Variants in MRAP2 observed in about 807,000 individuals in gnomAD.
MRAP2 encodes melanocortin-2 receptor accessory protein 2.
Under a neutral mutation model 17.4 loss-of-function variants are expected in MRAP2, and 20 were observed. The observed-to-expected ratio is 1.15, with a 90% CI of 0.81 to 1.67. The LOEUF is 1.67. Ranked by LOEUF, MRAP2 falls within the 40% of genes most tolerant of loss-of-function variation. The pLI, the probability that MRAP2 is intolerant of heterozygous loss-of-function variation, is 0.00. For missense variants in MRAP2, 238 were observed against 240.0 expected, an observed-to-expected ratio of 0.99 and a Z score of 0.05; for synonymous variants, 96 against 88.4, an observed-to-expected ratio of 1.09 and a Z score of -0.48.
the MRAP2 span, among the ~76,000 whole-genome samples, chr6:84,105,475 T>C: frequency 6.6e-6 from 1 of 152,178 alleles, no homozygotes; most frequent in Non-Finnish European, 1.5e-5. Flanking sequence ...ATGAGACTTA[T>C]TCACTATCAT....
At chr6:84,051,736 C>T (rs566844288) in intron 1 of MRAP2, among the ~76,000 whole-genome samples, 6 of 151,904 alleles carry the variant, frequency 3.9e-5, no homozygotes, top group South Asian at 2.1e-4. Flanking sequence ...AAAAGGGGAG[C>T]GGGGAGGAAA....
chr6:84,128,477 A>C, the MRAP2 span, among the ~76,000 whole-genome samples: 1 of 152,152 alleles, frequency 6.6e-6, no homozygotes, highest in Non-Finnish European at 1.5e-5. Flanking sequence ...AATGATTAAT[A>C]AGAGCCTGAG....
chr6:84,061,627 G>A (rs74348304), intron 2 of MRAP2: 5,306 of 213,592 alleles, frequency 0.025, 88 homozygotes, highest in Non-Finnish European at 0.035. Flanking sequence ...TTAGCTCCAC[G>A]TTGGGAAAAG....
intron 3 of MRAP2, chr6:84,063,411 A>G: frequency 7.1e-6 from 7 of 985,326 alleles, no homozygotes; most frequent in Non-Finnish European, 8.4e-6. Flanking sequence ...GCAGAGTAAT[A>G]GTTGTTCCTG....
intron 1 of MRAP2, among the ~76,000 whole-genome samples, chr6:84,037,588 G>T (rs986821572): frequency 2.0e-5 from 3 of 152,196 alleles, no homozygotes; most frequent in African/African-American, 4.8e-5. Flanking sequence ...GGGGGGCTGG[G>T]CTCTGGCATG....
rs113108339 is a variant in MRAP2, at chr6:84,080,316, G to T, written c.228-8775G>T. Among the ~76,000 whole-genome samples the T allele has an allele frequency of 9.3e-3, 1,420 of 152,018 alleles. 29 individuals are homozygous for T. Among genetic ancestry groups the T allele is most frequent in the African/African-American group, 0.032 (1,311 of 41,458 alleles). The stretch of plus-strand genomic sequence containing the variant: ...CTCCCAAAGTGCTGGGATTACAGGT[G>T]TGAGCCACCACGCCCTATTGCCAGG... On this transcript the variant is annotated intron_variant, in intron 3 of 3. Coordinates refer to ENST00000257776, the MANE Select transcript of MRAP2 (RefSeq NM_138409.4).
intron 1 of MRAP2, chr6:84,045,333 C>T: frequency 1.0e-6 from 1 of 985,412 alleles, no homozygotes; most frequent in South Asian, 4.7e-5. Flanking sequence ...AGATCCAAAT[C>T]TGCACTGAAA....
intron 1 of MRAP2, among the ~76,000 whole-genome samples, chr6:84,051,411 G>C (rs2480189): frequency 0.094 from 14,246 of 152,238 alleles, 1,226 homozygotes; most frequent in African/African-American, 0.22. Flanking sequence ...ACAAAAATTA[G>C]CTGGATCTGG....
the MRAP2 span, among the ~76,000 whole-genome samples, chr6:84,127,353 T>C: frequency 6.6e-6 from 1 of 152,266 alleles, no homozygotes; most frequent in South Asian, 2.1e-4. Flanking sequence ...GTATCTTACC[T>C]ACATTAGTTG....
chr6:84,040,480 T>C (rs2099487243), intron 1 of MRAP2, among the ~76,000 whole-genome samples: 2 of 152,112 alleles, frequency 1.3e-5, no homozygotes, highest in Non-Finnish European at 2.9e-5. Context: ...TTTGGAAGGC[T>C]CAGAAGAAGA....
At chr6:84,117,176 C>T in the MRAP2 span, among the ~76,000 whole-genome samples, 1 of 152,114 alleles carries the variant, frequency 6.6e-6, no homozygotes, top group Non-Finnish European at 1.5e-5. Flanking sequence ...GAGAGCACCA[C>T]CACACCTAGC....
intron 1 of MRAP2, among the ~76,000 whole-genome samples, chr6:84,048,323 G>A (rs1191776071): frequency 6.6e-6 from 1 of 152,186 alleles, no homozygotes; most frequent in Non-Finnish European, 1.5e-5. Context: ...AGGGTGTGTA[G>A]TGGTATCTCA....
chr6:84,095,855 T>C (rs920549113), downstream of MRAP2, among the ~76,000 whole-genome samples: 5 of 152,226 alleles, frequency 3.3e-5, no homozygotes, highest in African/African-American at 4.8e-5. Context: ...GAAAATATTC[T>C]TGTCTTTCTA....
chr6:84,099,212 A>G, the MRAP2 span, among the ~76,000 whole-genome samples: 2 of 146,264 alleles, frequency 1.4e-5, no homozygotes, highest in Admixed American at 6.9e-5. Flanking sequence ...ATGGATATCT[A>G]ATCGTTCCAG....
chr6:84,062,576 C>G (rs2099493437), intron 2 of MRAP2: 1 of 985,294 alleles, frequency 1.0e-6, no homozygotes, highest in East Asian at 1.1e-4. Context: ...TATTTTCTAA[C>G]TCAAAACACA....
At chr6:84,120,592 C>T in the MRAP2 span, among the ~76,000 whole-genome samples, 1 of 152,022 alleles carries the variant, frequency 6.6e-6, no homozygotes, top group African/African-American at 2.4e-5. Flanking sequence ...GAAGACCTGC[C>T]ATGTATATAG....
intron 3 of MRAP2, among the ~76,000 whole-genome samples, chr6:84,064,631 GCAC>G (rs1240466405): frequency 2.0e-5 from 3 of 152,134 alleles, no homozygotes; most frequent in Non-Finnish European, 4.4e-5. Flanking sequence ...GGGACTACAG[GCAC>G]CCACCACCAC....
the MRAP2 span, among the ~76,000 whole-genome samples, chr6:84,114,920 G>C: frequency 6.6e-6 from 1 of 152,198 alleles, no homozygotes; most frequent in Non-Finnish European, 1.5e-5. Context: ...GAACAGCAAA[G>C]ATTGCTGCCT....
the MRAP2 span, among the ~76,000 whole-genome samples, chr6:84,105,200 T>C: frequency 6.6e-6 from 1 of 152,192 alleles, no homozygotes; most frequent in Non-Finnish European, 1.5e-5. Flanking sequence ...TTCCACATTT[T>C]TGGGTATATT....
Sources: gnomAD v4.1 joint callset for allele counts (sites outside exome capture counted in the v4.1 genomes callset) on GRCh38, gnomAD v4.1.1 for gene constraint, MANE v1.5 for transcripts, NCBI Gene and HGNC (gene_info 2026-07-23, HGNC 2026-07-21) for gene names.